Variants in CEP85 observed in about 807,000 individuals in gnomAD.
CEP85 encodes centrosomal protein of 85 kDa.
A neutral mutation model predicts 93.7 loss-of-function variants in CEP85; 58 were observed. The observed-to-expected ratio is 0.62, with a 90% confidence interval of 0.50 to 0.77. CEP85 has a LOEUF of 0.77. Ranked by LOEUF, CEP85 falls within the 30% of genes least tolerant of loss-of-function variation. The pLI, the probability that CEP85 is intolerant of heterozygous loss-of-function variation, is 0.00. For synonymous variants in CEP85, 314 were observed against 338.6 expected, an observed-to-expected ratio of 0.93 and a Z score of 0.80; for missense variants, 868 against 922.0, an observed-to-expected ratio of 0.94 and a Z score of 0.76.
intron 3 of CEP85, among the ~76,000 whole-genome samples, chr1:26,246,352 C>A (rs1410538761): frequency 1.3e-5 from 2 of 152,152 alleles, no homozygotes; most frequent in Non-Finnish European, 2.9e-5. Flanking sequence ...CCAAAACCCA[C>A]AACTGATGAA....
rs1438089293 is a variant in CEP85 at position 26,259,642 on chromosome 1, TA to T, written c.1182del (p.Leu394PhefsTer12). On this transcript the variant is annotated frameshift_variant, in exon 7 of 14. Coordinates refer to ENST00000451429, the MANE Select transcript of CEP85 (RefSeq NM_001319944.2). LOFTEE classifies it high-confidence loss of function. Reference sequence around the variant, plus strand: ...GAATTGCAGCGAGAAAACACTTTCTTACGTGCACAGTTTGCACAGAAGACAG... The same window carrying T: ...GAATTGCAGCGAGAAAACACTTTCTTCGTGCACAGTTTGCACAGAAGACAG... The part of the protein sequence containing the change: ...LQELQRENTF[L>X]RAQFAQKTEA... The T allele has an allele frequency of 8.1e-6, 13 of 1,611,650 alleles. No homozygotes were observed. The highest frequency in any genetic ancestry group is 1.7e-5 in the Admixed American group (1 of 59,382).
intron 6 of CEP85, among the ~76,000 whole-genome samples, chr1:26,258,683 G>A (rs111951363): frequency 0.039 from 5,779 of 148,828 alleles, 167 homozygotes; most frequent in Non-Finnish European, 0.06. Context: ...TGCAACCTCC[G>A]CCTCCCGGGT....
intron 3 of CEP85, among the ~76,000 whole-genome samples, chr1:26,245,151 G>T (rs1411644629): frequency 3.3e-5 from 5 of 151,098 alleles, no homozygotes; most frequent in Non-Finnish European, 5.9e-5. Flanking sequence ...CTCCTGAGTA[G>T]CAGGGACTAC....
At chr1:26,268,450 T>C (rs762853849) in intron 7 of CEP85, 33 bp from the exon 8 acceptor site, 3 of 1,613,452 alleles carry the variant, frequency 1.9e-6, no homozygotes, top group Non-Finnish European at 2.5e-6. Flanking sequence ...GTGGAGTGAA[T>C]GGTGGAGACA....
intron 2 of CEP85, among the ~76,000 whole-genome samples, chr1:26,243,121 T>C (rs998174307): frequency 1.6e-5 from 2 of 123,458 alleles, no homozygotes; most frequent in Admixed American, 9.2e-5. Flanking sequence ...AGTGAAGCAG[T>C]GATTTTCTTT....
rs143377783 is a variant in CEP85 at position 26,234,557 on chromosome 1, G to A, written c.-23+247G>A. Among the ~76,000 whole-genome samples, 218 of 152,356 alleles carry A rather than the reference G, an allele frequency of 1.4e-3. 2 individuals are homozygous for A. The highest frequency in any genetic ancestry group is 1.6e-3 in the Non-Finnish European group (106 of 68,032). ...CCCACGGCAGTCACTTTACCTGCGT[G>A]CCAGGCCCTGTGCCGATAGCCAGGG... is the stretch of plus-strand genomic sequence containing the variant. On this transcript the variant is annotated intron_variant, in intron 1 of 13. Coordinates refer to ENST00000451429, the MANE Select transcript of CEP85 (RefSeq NM_001319944.2).
chr1:26,274,872 C>T (rs1000074565), intron 11 of CEP85, 92 bp from the exon 12 acceptor site: 18 of 940,766 alleles, frequency 1.9e-5, no homozygotes, highest in African/African-American at 6.6e-5. Flanking sequence ...TAGGGTGAGT[C>T]GTCACTATAT....
chr1:26,235,257 C>T (rs1048726615), intron 1 of CEP85, among the ~76,000 whole-genome samples: 2 of 152,142 alleles, frequency 1.3e-5, no homozygotes, highest in African/African-American at 2.4e-5. Context: ...AAGTAGGGGG[C>T]GGTGGTGATA....
chr1:26,268,325 G>T (rs968127407), intron 7 of CEP85, among the ~76,000 whole-genome samples, 158 bp from the exon 8 acceptor site: 6 of 152,198 alleles, frequency 3.9e-5, no homozygotes, highest in Admixed American at 3.3e-4. Context: ...TGCCGTGGTA[G>T]TGTGTGCCTG....
At chr1:26,263,004 T>A (rs577104875) in intron 7 of CEP85, 1 of 154,054 alleles carries the variant, frequency 6.5e-6, no homozygotes, top group Non-Finnish European at 1.4e-5. Flanking sequence ...CCCAAAGTGC[T>A]GGGATTACAG....
In CEP85 at chr1:26,277,339, C is replaced by A; in HGVS notation, c.*46C>A. ...CAGGGAGGAGCTGGGCTGCTGAGAG[C>A]CTAGTCCAGCAGGTTTCTGCCCTGA... On this transcript the variant is annotated 3_prime_UTR_variant, in exon 14 of 14. Coordinates refer to ENST00000451429, the MANE Select transcript of CEP85 (RefSeq NM_001319944.2). 1 of 1,557,964 alleles carries A rather than the reference C, an allele frequency of 6.4e-7. No individual in the cohort carries two copies. Among genetic ancestry groups the A allele is most frequent in the Non-Finnish European group, 8.8e-7 (1 of 1,133,312 alleles).
chr1:26,270,968 A>G, intron 9 of CEP85, 46 bp from the exon 10 acceptor site: 1 of 1,183,480 alleles, frequency 8.4e-7, no homozygotes, highest in Non-Finnish European at 1.3e-6. Context: ...AATCAAAGCC[A>G]CTTGTGTCTA....
At chr1:26,258,609 C>T (rs1213557023) in intron 6 of CEP85, among the ~76,000 whole-genome samples, 1 of 140,150 alleles carries the variant, frequency 7.1e-6, no homozygotes, top group Non-Finnish European at 1.6e-5. Flanking sequence ...TATTCTCTCT[C>T]TTTTTTTTTT....
chr1:26,255,695 A>C lies in CEP85; in HGVS notation c.733A>C (p.Ser245Arg). 6.2e-7 allele frequency: 1 copy of C among 1,614,110 alleles called. No homozygotes were observed. Among genetic ancestry groups the C allele is most frequent in the Non-Finnish European group, 8.5e-7 (1 of 1,180,020 alleles). Residue 245 changes from serine to arginine, a missense_variant, in exon 4 of 14, where the codon AGT becomes CGT. Physicochemically the swap from Ser to Arg is moderately radical, Grantham distance 110. Transcript: ENST00000451429. ...GCGGAATGGACCACATTCTAATAGC[A>C]GTGGGGTCCTCCCTTTGGGACTCCA... ...FERNGPHSNS[S>R]GVLPLGLQPA...
chr1:26,243,765 C>T (rs1156304417), intron 2 of CEP85, among the ~76,000 whole-genome samples: 7 of 151,956 alleles, frequency 4.6e-5, no homozygotes, highest in Non-Finnish European at 8.8e-5. Context: ...TTTGGGAGGC[C>T]AAGGCGGGTG....
intron 7 of CEP85, among the ~76,000 whole-genome samples, chr1:26,264,977 C>T (rs972614488): frequency 2.8e-5 from 4 of 143,314 alleles, no homozygotes; most frequent in South Asian, 2.2e-4. Flanking sequence ...CCACCACACC[C>T]GGCTTTTTTT....
rs985777468 is a variant in CEP85, at chr1:26,272,085, C to T, written c.1794+14C>T. ...TCACAAGTACAGGTGAGCAGGAATC[C>T]TTGGGACATGGTGGGCAGAACTTAA... is the stretch of plus-strand genomic sequence containing the variant. On this transcript the variant is annotated intron_variant, in intron 11 of 13. Coordinates refer to ENST00000451429, the MANE Select transcript of CEP85 (RefSeq NM_001319944.2). 6.2e-7 allele frequency: 1 copy of T among 1,612,424 alleles called. No individual in the cohort carries two copies. The highest frequency in any genetic ancestry group is 8.5e-7 in the Non-Finnish European group (1 of 1,178,720).
chr1:26,273,466 A>G (rs1557669419), intron 11 of CEP85, among the ~76,000 whole-genome samples: 3 of 152,174 alleles, frequency 2.0e-5, no homozygotes, highest in Admixed American at 2.0e-4. Flanking sequence ...ACCCATTTAA[A>G]ATCCCAGGTT....
At chr1:26,259,924 G>A in intron 7 of CEP85, 122 bp downstream of exon 7, 1 of 718,064 alleles carries the variant, frequency 1.4e-6, no homozygotes, top group South Asian at 2.2e-5. Flanking sequence ...TCCTCCACTG[G>A]CTTCTCACAC....
Sources: gnomAD v4.1 joint callset for allele counts (sites outside exome capture counted in the v4.1 genomes callset) on GRCh38, gnomAD v4.1.1 for gene constraint, MANE v1.5 for transcripts, NCBI Gene and HGNC (gene_info 2026-07-23, HGNC 2026-07-21) for gene names.